CETN2: variants seen among roughly 807,000 people sequenced by gnomAD.
CETN2 encodes centrin-2.
CETN2 carries 2 observed loss-of-function variants against 12.6 expected under a neutral mutation model. The ratio of observed to expected loss-of-function variants is 0.16; its 90% CI spans 0.07 to 0.50. The LOEUF is 0.50. Ranked by LOEUF, CETN2 falls within the 20% of genes least tolerant of loss-of-function variation. The probability of loss-of-function intolerance (pLI) is 0.96; values close to 1 mark genes in which losing one functional copy is unlikely to be tolerated. For missense variants in CETN2, 81 were observed against 128.3 expected, an observed-to-expected ratio of 0.63 and a Z score of 1.78; for synonymous variants, 41 against 43.4, an observed-to-expected ratio of 0.94 and a Z score of 0.22.
In CETN2 at chrX:152,827,126, A is replaced by G. The variant is rs1434448822; in HGVS notation, c.*715T>C. The G allele has an allele frequency of 8.9e-6, 1 of 112,664 alleles. No homozygotes were observed. The highest frequency in any genetic ancestry group is 1.9e-5 in the Non-Finnish European group (1 of 53,377). The allele number at this position is 112,664 out of a possible 1,213,427, so 9.3% of individuals were successfully genotyped here. ...TTAGAGCATCATTTAGGCTTAGGTG[A>G]TATAAAAATTCTGCTAGTTTTACAA... is the stretch of plus-strand genomic sequence containing the variant. On this transcript the variant is annotated 3_prime_UTR_variant, in exon 5 of 5. Coordinates refer to ENST00000370277, the MANE Select transcript of CETN2 (RefSeq NM_004344.3).
intron 1 of CETN2, 85 bp downstream of exon 1, chrX:152,830,623 G>C: frequency 9.3e-7 from 1 of 1,079,098 alleles, no homozygotes; most frequent in Non-Finnish European, 1.2e-6. Flanking sequence ...GCCGAGAAAG[G>C]CGCAGGAGAG....
At chrX:152,830,676 G>T (rs781852970) in intron 1 of CETN2, 32 bp downstream of exon 1, 4 of 1,176,003 alleles carry the variant, frequency 3.4e-6, no homozygotes. Context: ...TCAGCCGCTG[G>T]GCGTGGGGCG....
rs1428845781 is a variant in CETN2 at position 152,827,647 on chromosome X, C to T, written c.*194G>A. ...TTTGCTTTTGAGAATTAGGGTAATT[C>T]GCAGGTCATTTTACAAAGAACTGTA... On this transcript the variant is annotated 3_prime_UTR_variant, in exon 5 of 5. Coordinates refer to ENST00000370277, the MANE Select transcript of CETN2 (RefSeq NM_004344.3). 10 of 349,020 alleles carry T rather than the reference C, an allele frequency of 2.9e-5. No individual in the cohort carries two copies. The South Asian group carries it at 4.3e-4, about 15-fold the overall frequency. 28.8% of individuals were successfully genotyped at this position (349,020 alleles called of 1,213,427 possible).
In CETN2 at chrX:152,828,641, C is replaced by T; in HGVS notation, c.325G>A (p.Ala109Thr). The change falls in exon 4 of 5, where the codon GCT becomes ACT. Residue 109 changes from alanine (A) to threonine (T), a missense_variant. Transcript: ENST00000370277. The stretch of plus-strand genomic sequence containing the variant: ...TCATCATCATCAAAGAGCTTGAAAG[C>T]TTTCAGGATTTCTTCTTTAGTATCT... Reference protein sequence around the residue: ...EKDTKEEILKAFKLFDDDETG... With the variant: ...EKDTKEEILKTFKLFDDDETG... The T allele has an allele frequency of 8.3e-7, 1 of 1,209,139 alleles. No individual in the cohort carries two copies. Among genetic ancestry groups the T allele is most frequent in the Non-Finnish European group, 1.1e-6 (1 of 893,952 alleles).
rs1932981092 is a variant in CETN2 at position 152,829,427 on chromosome X, C to T, written c.163-150G>A. The T allele has an allele frequency of 4.5e-6, 4 of 892,589 alleles. No individual in the cohort carries two copies. In the South Asian group the frequency reaches 7.7e-5, roughly 17 times the overall value. The allele number at this position is 892,589 out of a possible 1,213,427, so 73.6% of individuals were successfully genotyped here. A position where few individuals can be genotyped will look rare whatever the true frequency, so the allele number is the denominator to read the frequency against. On this transcript the variant is annotated intron_variant, in intron 2 of 4. Coordinates refer to ENST00000370277, the MANE Select transcript of CETN2 (RefSeq NM_004344.3). Reference sequence around the variant, plus strand: ...CATTGATCTAATTGATATTTGCAATCAATTTTATTGAATAATACTCAAAGT... The same window carrying T: ...CATTGATCTAATTGATATTTGCAATTAATTTTATTGAATAATACTCAAAGT...
At chrX:152,830,334 C>G (rs1229680201) in intron 1 of CETN2, among the ~76,000 whole-genome samples, 1 of 113,498 alleles carries the variant, frequency 8.8e-6, no homozygotes, top group Non-Finnish European at 1.9e-5. Flanking sequence ...TAACAGAACA[C>G]GATACACCTT....
rs1932964994 is a variant in CETN2, at chrX:152,827,633, G to C, written c.*208C>G. The C allele has an allele frequency of 2.9e-6, 1 of 345,551 alleles. No homozygotes were observed. The highest frequency in any genetic ancestry group is 2.6e-5 in the African/African-American group (1 of 39,097). 28.5% of individuals were successfully genotyped at this position (345,551 alleles called of 1,213,427 possible). Reference sequence around the variant, plus strand: ...TTGTGTGCTCTTGTTTTGCTTTTGAGAATTAGGGTAATTCGCAGGTCATTT... The same window carrying C: ...TTGTGTGCTCTTGTTTTGCTTTTGACAATTAGGGTAATTCGCAGGTCATTT... On this transcript the variant is annotated 3_prime_UTR_variant, in exon 5 of 5. Transcript: ENST00000370277.
chrX:152,828,749 C>CT (rs782344201), intron 3 of CETN2, 75 bp from the exon 4 acceptor site: 51 of 974,844 alleles, frequency 5.2e-5, no homozygotes, highest in Non-Finnish European at 6.7e-5. Context: ...AGCCCTGCCA[C>CT]TGCCTGGTCA....
chrX:152,828,853 C>G (rs1556842989), intron 3 of CETN2, 179 bp from the exon 4 acceptor site: 6 of 464,613 alleles, frequency 1.3e-5, no homozygotes, highest in Non-Finnish European at 2.2e-5. Context: ...ACCAGGCAAG[C>G]CAGGCACTCC....
At chrX:152,828,509 T>A in intron 4 of CETN2, 28 bp downstream of exon 4, 1 of 1,192,008 alleles carries the variant, frequency 8.4e-7, no homozygotes, top group Non-Finnish European at 1.1e-6. Flanking sequence ...GGTGGGAATT[T>A]TAAGTTCCAG....
At chrX:152,828,742 C>T in intron 3 of CETN2, 68 bp from the exon 4 acceptor site, 1 of 974,172 alleles carries the variant, frequency 1.0e-6, no homozygotes, top group Non-Finnish European at 1.4e-6. Flanking sequence ...GTCCTGTAGC[C>T]CTGCCACTGC....
chrX:152,828,619 T>C lies in CETN2; in HGVS notation c.347A>G (p.Asp116Gly). ...TTTGAACGAAATCTTCCCAGTTTCA[T>C]CATCATCAAAGAGCTTGAAAGCTTT... ...ILKAFKLFDD[D>G]ETGKISFKNL... Residue 116 changes from aspartate to glycine, a missense_variant, in exon 4 of 5, where the codon GAT becomes GGT. Coordinates refer to ENST00000370277, the MANE Select transcript of CETN2 (RefSeq NM_004344.3). 8 of 1,210,037 alleles carry C rather than the reference T, an allele frequency of 6.6e-6. No homozygotes were observed. The highest frequency in any genetic ancestry group is 8.9e-6 in the Non-Finnish European group (8 of 893,870).
Position 152,830,713 on chromosome X carries a change from C to G in CETN2, c.-3G>C. The G allele has an allele frequency of 8.5e-7, 1 of 1,175,055 alleles. No individual in the cohort carries two copies. Among genetic ancestry groups the G allele is most frequent in the East Asian group, 3.2e-5 (1 of 31,331 alleles). ...GACAGAGCGGCAGCACTCACCATAG[C>G]CAAAGGAGTCCGCTGCCGGTTGTTA... On this transcript the variant is annotated 5_prime_UTR_variant, in exon 1 of 5. Transcript: ENST00000370277.
chrX:152,829,579 C>T (rs782295790), intron 2 of CETN2, 23 bp downstream of exon 2: 14 of 1,170,700 alleles, frequency 1.2e-5, no homozygotes, highest in East Asian at 3.0e-5. Context: ...AAGGGCAGTA[C>T]GGCAGGAATG....
Position 152,828,574 on chromosome X carries a change from T to C in CETN2, c.392A>G (p.Lys131Arg), listed in dbSNP as rs1288642859. Residue 131 changes from lysine to arginine, a missense_variant, in exon 4 of 5, where the codon AAG (lysine) becomes AGG (arginine). Coordinates refer to ENST00000370277, the MANE Select transcript of CETN2 (RefSeq NM_004344.3). ...ATCAGTCAGGTTCTCACCCAACTCCTTGGCCACGCGTTTCAGATTTTTGAA... is the reference window on the plus strand; with the variant it reads ...ATCAGTCAGGTTCTCACCCAACTCCCTGGCCACGCGTTTCAGATTTTTGAA... ...ISFKNLKRVA[K>R]ELGENLTDEE... 4 of 1,209,956 alleles carry C rather than the reference T, an allele frequency of 3.3e-6. No individual in the cohort carries two copies. The highest frequency in any genetic ancestry group is 4.5e-6 in the Non-Finnish European group (4 of 895,073).
At chrX:152,828,360 C>A (rs1053020127) in intron 4 of CETN2, among the ~76,000 whole-genome samples, 177 bp downstream of exon 4, 1 of 111,830 alleles carries the variant, frequency 8.9e-6, no homozygotes, top group Non-Finnish European at 1.9e-5. Flanking sequence ...GTGCATTTTT[C>A]TGGAAGCAGG....
chrX:152,827,520 T>G lies in CETN2; in HGVS notation c.*321A>C. ...TGTGCTTGTCTAAAGTCGTTCTGTG[T>G]TTGTGGATATGTGGAAATGCATGAC... is the stretch of plus-strand genomic sequence containing the variant. On this transcript the variant is annotated 3_prime_UTR_variant, in exon 5 of 5. Transcript: ENST00000370277. 5.3e-6 allele frequency: 1 copy of G among 189,220 alleles called. No homozygotes were observed. The highest frequency in any genetic ancestry group is 9.9e-6 in the Non-Finnish European group (1 of 100,953). The allele number at this position is 189,220 out of a possible 1,213,427, so 15.6% of individuals were successfully genotyped here.
intron 4 of CETN2, 116 bp downstream of exon 4, chrX:152,828,421 G>A: frequency 1.2e-6 from 1 of 833,074 alleles, no homozygotes; most frequent in East Asian, 3.2e-5. Flanking sequence ...TCTGCAGAGG[G>A]ACAAAGTACA....
intron 1 of CETN2, 107 bp from the exon 2 acceptor site, chrX:152,829,867 C>T: frequency 1.6e-6 from 1 of 623,957 alleles, no homozygotes. Context: ...TTTATATAAC[C>T]AATTCCAAAG....
Sources: allele counts gnomAD v4.1 joint callset (sites outside exome capture counted in the v4.1 genomes callset), GRCh38; gene constraint gnomAD v4.1.1; transcripts MANE v1.5; gene names NCBI Gene and HGNC (gene_info 2026-07-23, HGNC 2026-07-21).